The following NUBPL variants were observed in gnomAD, a reference collection of about 807,000 sequenced individuals.
NUBPL encodes the protein iron-sulfur cluster transfer protein NUBPL.
Under a neutral mutation model 45.7 loss-of-function variants are expected in NUBPL, and 31 were observed. The ratio of observed to expected loss-of-function variants is 0.68; its 90% CI spans 0.51 to 0.92. The LOEUF (loss-of-function observed/expected upper bound fraction) is 0.92, where lower values mean the gene tolerates loss of function less well. Among genes scored for constraint, NUBPL ranks in the 40% least tolerant of loss-of-function variants. The probability of loss-of-function intolerance (pLI) is 0.00; values close to 1 mark genes in which losing one functional copy is unlikely to be tolerated. For missense variants in NUBPL, 401 were observed against 398.7 expected, an observed-to-expected ratio of 1.01 and a Z score of -0.05; for synonymous variants, 144 against 140.9, an observed-to-expected ratio of 1.02 and a Z score of -0.15.
intron 6 of NUBPL, among the ~76,000 whole-genome samples, chr14:31,710,763 G>A (rs890769438): frequency 6.6e-6 from 1 of 152,150 alleles, no homozygotes; most frequent in African/African-American, 2.4e-5. Context: ...GAATAGGAAG[G>A]ATACAATTTC....
At chr14:31,826,866 C>T in intron 8 of NUBPL, 152 bp downstream of exon 8, 1 of 702,946 alleles carries the variant, frequency 1.4e-6, no homozygotes, top group Non-Finnish European at 2.5e-6. Context: ...TAAAAACACA[C>T]TTATAGGTAC....
intron 4 of NUBPL, among the ~76,000 whole-genome samples, chr14:31,640,722 T>A (rs1044647593): frequency 6.6e-6 from 1 of 152,168 alleles, no homozygotes; most frequent in African/African-American, 2.4e-5. Context: ...ATTTTGTTGA[T>A]ACATAATACG....
At chr14:31,582,888 AG>A (rs2139500334) in intron 3 of NUBPL, among the ~76,000 whole-genome samples, 1 of 152,294 alleles carries the variant, frequency 6.6e-6, no homozygotes, top group East Asian at 1.9e-4. Context: ...AGATTTAGGG[AG>A]TCTACCAAAT....
At chr14:31,726,441 A>G (rs916292024) in intron 6 of NUBPL, among the ~76,000 whole-genome samples, 4 of 152,258 alleles carry the variant, frequency 2.6e-5, no homozygotes, top group Non-Finnish European at 5.9e-5. Flanking sequence ...AATATATTTC[A>G]AAAATAGAAT....
At chr14:31,599,207 G>A in intron 3 of NUBPL, 82 bp from the exon 4 acceptor site, 1 of 1,036,594 alleles carries the variant, frequency 9.6e-7, no homozygotes, top group Non-Finnish European at 1.5e-6. Context: ...GTTGCTATAT[G>A]CTTCACCTTT....
intron 4 of NUBPL, among the ~76,000 whole-genome samples, chr14:31,605,092 A>G (rs1331466087): frequency 1.3e-5 from 2 of 152,224 alleles, no homozygotes; most frequent in East Asian, 3.8e-4. Flanking sequence ...AACCTTTTTT[A>G]AAGAACAAAT....
intron 7 of NUBPL, among the ~76,000 whole-genome samples, chr14:31,806,981 A>G (rs192157766): frequency 2.0e-5 from 3 of 148,466 alleles, no homozygotes; most frequent in Non-Finnish European, 4.5e-5. Context: ...ATAGTATTCC[A>G]TGGTGTATAT....
intron 6 of NUBPL, among the ~76,000 whole-genome samples, chr14:31,757,562 A>G (rs919957393): frequency 2.0e-5 from 3 of 152,168 alleles, no homozygotes; most frequent in African/African-American, 7.2e-5. Context: ...GAGACTCCCT[A>G]TATTTTAGAG....
chr14:31,826,699 C>T lies in NUBPL; in HGVS notation c.678C>T (p.Arg226=). 1 of 1,614,028 alleles carries T rather than the reference C, an allele frequency of 6.2e-7. No individual in the cohort carries two copies. Among genetic ancestry groups the T allele is most frequent in the Non-Finnish European group, 8.5e-7 (1 of 1,179,928 alleles). Residue 226 remains arginine, a synonymous_variant, in exon 8 of 11, where the codon CGC becomes CGT. Coordinates refer to ENST00000281081, the MANE Select transcript of NUBPL (RefSeq NM_025152.3). ...MDAHKGAEMF[R]RVHVPVLGLV... ...CACACAAGGGTGCTGAGATGTTTCG[C>T]AGAGTCCACGTGCCCGTAAGCGTTT... is the stretch of plus-strand genomic sequence containing the variant.
intron 6 of NUBPL, among the ~76,000 whole-genome samples, chr14:31,769,254 A>G (rs980278585): frequency 1.1e-4 from 16 of 152,188 alleles, no homozygotes; most frequent in Non-Finnish European, 1.9e-4. Context: ...GGATGTGATT[A>G]CAGTCTCCTT....
intron 10 of NUBPL, among the ~76,000 whole-genome samples, chr14:31,853,181 A>T (rs963851081): frequency 6.6e-6 from 1 of 152,062 alleles, no homozygotes; most frequent in African/African-American, 2.4e-5. Flanking sequence ...CATCCTCCCA[A>T]GTAGCTGGGA....
chr14:31,733,716 C>T (rs2038103914), intron 6 of NUBPL, among the ~76,000 whole-genome samples: 1 of 152,112 alleles, frequency 6.6e-6, no homozygotes. Context: ...GTAATCATGT[C>T]ATCTAGGAAT....
chr14:31,658,923 T>C (rs762056967), intron 4 of NUBPL, among the ~76,000 whole-genome samples: 5 of 152,142 alleles, frequency 3.3e-5, no homozygotes, highest in Admixed American at 3.3e-4. Context: ...AGTATTTAGA[T>C]GGTGAGGCAG....
At chr14:31,614,973 A>G (rs1235145328) in intron 4 of NUBPL, among the ~76,000 whole-genome samples, 2 of 152,150 alleles carry the variant, frequency 1.3e-5, no homozygotes, top group African/African-American at 4.8e-5. Context: ...CTGTTGTAAG[A>G]AGGTATTGAG....
rs546193335 is a variant in NUBPL, at chr14:31,616,656, G to C, written c.382+17277G>C. 1.4e-4 allele frequency among the ~76,000 whole-genome samples: 22 copies of C among 152,292 alleles called. No homozygotes were observed. In the East Asian group the frequency reaches 2.1e-3, roughly 15 times the overall value. On this transcript the variant is annotated intron_variant, in intron 4 of 10. Coordinates refer to ENST00000281081, the MANE Select transcript of NUBPL (RefSeq NM_025152.3). ...ATATCTGTTTTGGTAGCAGTACCAA[G>C]CTGTTTTGGTAACTGTAGACTTGTA...
chr14:31,655,713 G>A (rs972634004), intron 4 of NUBPL, among the ~76,000 whole-genome samples: 1 of 152,040 alleles, frequency 6.6e-6, no homozygotes, highest in African/African-American at 2.4e-5. Context: ...TTCAACAGTG[G>A]GCTTAAAATA....
intron 6 of NUBPL, among the ~76,000 whole-genome samples, chr14:31,733,349 A>G (rs1466980475): frequency 1.3e-5 from 2 of 152,258 alleles, no homozygotes; most frequent in Non-Finnish European, 2.9e-5. Context: ...GTATATTTCC[A>G]TAGCAATTTT....
intron 3 of NUBPL, among the ~76,000 whole-genome samples, chr14:31,571,311 G>T (rs1339747673): frequency 1.3e-5 from 2 of 148,902 alleles, no homozygotes; most frequent in African/African-American, 2.5e-5. Flanking sequence ...TTGTTCTGTT[G>T]TTTATGATCT....
In NUBPL at chr14:31,601,734, AAAC is replaced by A. The variant is rs1422777019; in HGVS notation, c.382+2360_382+2362del. Among the ~76,000 whole-genome samples the A allele has an allele frequency of 3.9e-5, 6 of 152,286 alleles. No homozygotes were observed. The East Asian group carries it at 9.7e-4, about 25-fold the overall frequency. On this transcript the variant is annotated intron_variant, in intron 4 of 10. Transcript: ENST00000281081. ...GAATGGCAGTCATTAAAAAGTCAGG[AAAC>A]AACAGGTGCTGGAGAGGATGTGGAG...
Sources: gnomAD v4.1 joint callset for allele counts (sites outside exome capture counted in the v4.1 genomes callset) on GRCh38, gnomAD v4.1.1 for gene constraint, MANE v1.5 for transcripts, NCBI Gene and HGNC (gene_info 2026-07-23, HGNC 2026-07-21) for gene names.